The following ULK4 variants were observed in gnomAD, a reference collection of about 807,000 sequenced individuals.
ULK4 encodes the protein unc-51 like kinase 4.
In ULK4, 133 loss-of-function variants were observed where a neutral mutation model predicts 160.6. That is an observed-to-expected ratio of 0.83 (90% CI 0.72 to 0.96). The LOEUF is 0.96. Among genes scored for constraint, ULK4 ranks in the 40% least tolerant of loss-of-function variants. ULK4 has a pLI of 0.00. For missense variants in ULK4, 1,580 were observed against 1,499.5 expected (o/e 1.05, Z -0.89); for synonymous variants, 534 against 539.8 (o/e 0.99, Z 0.15).
chr3:41,597,672 G>A (rs1042255143), intron 31 of ULK4, among the ~76,000 whole-genome samples: 1 of 152,120 alleles, frequency 6.6e-6, no homozygotes, highest in Admixed American at 6.5e-5. Flanking sequence ...GGGTTTCTGG[G>A]CACAATGAGA....
intron 35 of ULK4, among the ~76,000 whole-genome samples, chr3:41,309,575 T>C (rs1057070671): frequency 4.6e-5 from 7 of 152,196 alleles, no homozygotes; most frequent in Admixed American, 6.5e-5. Flanking sequence ...AGTAGCCTTT[T>C]TGACATTTAC....
chr3:41,953,966 A>C (rs1289763319), intron 2 of ULK4, among the ~76,000 whole-genome samples: 1 of 151,854 alleles, frequency 6.6e-6, no homozygotes, highest in Non-Finnish European at 1.5e-5. Context: ...GGCGGATCAC[A>C]AGGTCAGGAG....
chr3:41,862,796 C>CCCTTTCT (rs1559615569), intron 17 of ULK4, among the ~76,000 whole-genome samples: 2 of 151,130 alleles, frequency 1.3e-5, no homozygotes, highest in Non-Finnish European at 3.0e-5. Context: ...CGCTCCCCCC[C>CCCTTTCT]CCCTTTCTCT....
At chr3:41,461,638 T>C (rs1331693253) in intron 33 of ULK4, among the ~76,000 whole-genome samples, 3 of 152,184 alleles carry the variant, frequency 2.0e-5, no homozygotes, top group Admixed American at 1.3e-4. Context: ...AAGTTGGAAA[T>C]AGAAAATTCA....
At chr3:41,322,162 G>C (rs2080259155) in intron 35 of ULK4, among the ~76,000 whole-genome samples, 3 of 143,894 alleles carry the variant, frequency 2.1e-5, no homozygotes, top group Admixed American at 1.4e-4. Context: ...CTCCTGAGTA[G>C]GTGGGACAAC....
At chr3:41,832,631 T>C (rs1324489267) in intron 18 of ULK4, among the ~76,000 whole-genome samples, 1 of 152,240 alleles carries the variant, frequency 6.6e-6, no homozygotes, top group Non-Finnish European at 1.5e-5. Flanking sequence ...ATGTCCTAAA[T>C]GGTACTGCCT....
At chr3:41,356,742 ACAGAAT>A (rs2081037551) in intron 35 of ULK4, among the ~76,000 whole-genome samples, 1 of 152,220 alleles carries the variant, frequency 6.6e-6, no homozygotes, top group Admixed American at 6.5e-5. Context: ...CACAGGGAAG[ACAGAAT>A]CAGAGTGGAA....
At position 41,806,216 on chromosome 3, in the gene ULK4, G is replaced by C. The variant is rs995284741; in HGVS notation, c.1849-5923C>G. ...CTTCTTCCTGGTTTAGTCTTGGGAG[G>C]GTGTATGTGTCGAGGAATTTATCCA... On this transcript the variant is annotated intron_variant, in intron 19 of 36. Coordinates refer to ENST00000301831, the MANE Select transcript of ULK4 (RefSeq NM_017886.4). Among the ~76,000 whole-genome samples the C allele has an allele frequency of 8.9e-4, 132 of 148,758 alleles. 1 individual carries two copies. The highest frequency in any genetic ancestry group is 3.0e-3 in the African/African-American group (117 of 39,424).
intron 32 of ULK4, among the ~76,000 whole-genome samples, chr3:41,545,291 A>C (rs941552514): frequency 7.9e-5 from 12 of 152,170 alleles, no homozygotes; most frequent in Non-Finnish European, 1.6e-4. Flanking sequence ...TCTTCCTTTT[A>C]GCCTGAAAAA....
chr3:41,869,778 T>A (rs1224481507), intron 17 of ULK4, among the ~76,000 whole-genome samples: 1 of 152,148 alleles, frequency 6.6e-6, no homozygotes, highest in African/African-American at 2.4e-5. Context: ...TTATGAAAAA[T>A]TGTTTATTTT....
intron 17 of ULK4, among the ~76,000 whole-genome samples, chr3:41,868,656 AT>A (rs911014488): frequency 1.5e-5 from 2 of 132,386 alleles, no homozygotes; most frequent in Non-Finnish European, 3.0e-5. Flanking sequence ...TATCCACCTA[AT>A]TTTTTTTGTA....
chr3:41,560,210 C>T (rs1259105542), intron 32 of ULK4, among the ~76,000 whole-genome samples: 1 of 152,112 alleles, frequency 6.6e-6, no homozygotes, highest in Non-Finnish European at 1.5e-5. Flanking sequence ...CTGTTCTGTT[C>T]CATTGGTCTA....
chr3:41,793,743 T>TTC (rs2040216364), intron 20 of ULK4, among the ~76,000 whole-genome samples: 1 of 152,226 alleles, frequency 6.6e-6, no homozygotes, highest in East Asian at 1.9e-4. Flanking sequence ...GTTTCTCTGG[T>TTC]TCTCACTATG....
intron 32 of ULK4, among the ~76,000 whole-genome samples, chr3:41,496,508 G>T (rs1204482159): frequency 6.6e-6 from 1 of 151,968 alleles, no homozygotes; most frequent in South Asian, 2.1e-4. Context: ...AGTAGAAGTG[G>T]GCAGTCTTAC....
intron 35 of ULK4, among the ~76,000 whole-genome samples, chr3:41,393,773 G>C (rs1290715318): frequency 1.3e-5 from 2 of 152,082 alleles, no homozygotes; most frequent in African/African-American, 4.8e-5. Context: ...GTCCTGTCTG[G>C]ATCAAAGTTC....
intron 27 of ULK4, among the ~76,000 whole-genome samples, chr3:41,698,827 A>G (rs973810719): frequency 2.6e-5 from 4 of 152,198 alleles, no homozygotes; most frequent in Non-Finnish European, 5.9e-5. Context: ...CACCACCCAA[A>G]GGTAACCACT....
chr3:41,584,719 T>C (rs1029984874), intron 31 of ULK4, among the ~76,000 whole-genome samples: 1 of 152,116 alleles, frequency 6.6e-6, no homozygotes, highest in Non-Finnish European at 1.5e-5. Flanking sequence ...CTAAGACAGA[T>C]GACGCAGAAA....
At chr3:41,614,705 C>T (rs938192300) in intron 31 of ULK4, among the ~76,000 whole-genome samples, 1 of 152,188 alleles carries the variant, frequency 6.6e-6, no homozygotes, top group Non-Finnish European at 1.5e-5. Flanking sequence ...CAAATCCACT[C>T]AGCTCTCCTG....
intron 35 of ULK4, among the ~76,000 whole-genome samples, chr3:41,283,411 T>C (rs901357301): frequency 4.0e-4 from 61 of 152,152 alleles, no homozygotes; most frequent in Admixed American, 3.9e-3. Context: ...TGTCCACCAA[T>C]GATAGACTGG....
Sources: gnomAD v4.1 joint callset for allele counts (sites outside exome capture counted in the v4.1 genomes callset) on GRCh38, gnomAD v4.1.1 for gene constraint, MANE v1.5 for transcripts, NCBI Gene and HGNC (gene_info 2026-07-23, HGNC 2026-07-21) for gene names.